The following PDE4B variants were observed in gnomAD, a reference collection of about 807,000 sequenced individuals.
PDE4B encodes the protein 3',5'-cyclic-AMP phosphodiesterase 4B.
Under a neutral mutation model 82.2 loss-of-function variants are expected in PDE4B, and 20 were observed. The ratio of observed to expected loss-of-function variants is 0.24; its 90% CI spans 0.17 to 0.35. The LOEUF (loss-of-function observed/expected upper bound fraction) is 0.35. PDE4B is among the 10% of genes least tolerant of loss of function. PDE4B has a pLI of 1.00. For synonymous variants in PDE4B, 320 were observed against 318.9 expected (o/e 1.00, Z -0.04); for missense variants, 655 against 907.2 (o/e 0.72, Z 3.57).
chr1:66,083,121 T>C (rs1202140272), intron 3 of PDE4B, among the ~76,000 whole-genome samples: 1 of 152,146 alleles, frequency 6.6e-6, no homozygotes, highest in East Asian at 1.9e-4. Context: ...TTCTAGTTAG[T>C]GTCCATGCCT....
At chr1:65,829,815 T>C (rs1646061466) in intron 1 of PDE4B, among the ~76,000 whole-genome samples, 1 of 152,182 alleles carries the variant, frequency 6.6e-6, no homozygotes, top group Non-Finnish European at 1.5e-5. Context: ...CCATGTTGTA[T>C]TAGGTTATAG....
chr1:65,958,751 C>A (rs1166616108), intron 3 of PDE4B, among the ~76,000 whole-genome samples: 1 of 145,410 alleles, frequency 6.9e-6, no homozygotes, highest in Non-Finnish European at 1.5e-5. Context: ...CACACACACG[C>A]GCGCGCGCGC....
chr1:66,356,593 T>C (rs1277301608), intron 9 of PDE4B, among the ~76,000 whole-genome samples: 5 of 152,268 alleles, frequency 3.3e-5, no homozygotes, highest in Non-Finnish European at 7.3e-5. Context: ...AATAGCCATA[T>C]GGCATTAAAT....
At chr1:65,819,056 T>A (rs1250254171) in intron 1 of PDE4B, among the ~76,000 whole-genome samples, 1 of 152,158 alleles carries the variant, frequency 6.6e-6, no homozygotes, top group Non-Finnish European at 1.5e-5. Flanking sequence ...ACAAAACAGC[T>A]GCTACCTTGA....
intron 7 of PDE4B, among the ~76,000 whole-genome samples, chr1:66,319,473 A>G (rs1659250902): frequency 6.6e-6 from 1 of 152,224 alleles, no homozygotes; most frequent in Non-Finnish European, 1.5e-5. Context: ...TCTGATGTTA[A>G]TAATTTACCA....
intron 3 of PDE4B, among the ~76,000 whole-genome samples, chr1:66,020,710 T>C (rs1243138859): frequency 6.6e-6 from 1 of 152,234 alleles, no homozygotes; most frequent in East Asian, 1.9e-4. Context: ...TAATCCAGTC[T>C]ATCATTGATG....
At chr1:65,985,389 T>C (rs1032939954) in intron 3 of PDE4B, among the ~76,000 whole-genome samples, 1 of 152,158 alleles carries the variant, frequency 6.6e-6, no homozygotes, top group African/African-American at 2.4e-5. Flanking sequence ...ATTATTTACA[T>C]TTAAAATTTT....
At chr1:66,285,069 A>C (rs1228084637) in intron 7 of PDE4B, among the ~76,000 whole-genome samples, 1 of 152,198 alleles carries the variant, frequency 6.6e-6, no homozygotes, top group African/African-American at 2.4e-5. Context: ...ATAGCAAGCA[A>C]GATGAAATTA....
At chr1:66,255,948 T>A (rs977477177) in intron 4 of PDE4B, among the ~76,000 whole-genome samples, 3 of 152,218 alleles carry the variant, frequency 2.0e-5, no homozygotes, top group Non-Finnish European at 4.4e-5. Flanking sequence ...GCCGATTGCT[T>A]GAGCCCAGGG....
chr1:66,132,412 T>A (rs1415479), intron 3 of PDE4B, among the ~76,000 whole-genome samples: 3 of 152,218 alleles, frequency 2.0e-5, no homozygotes, highest in East Asian at 3.8e-4. Flanking sequence ...TGCAGGGCTA[T>A]TTTTAGGATT....
At chr1:66,261,115 C>T (rs1490384153) in intron 6 of PDE4B, among the ~76,000 whole-genome samples, 1 of 152,182 alleles carries the variant, frequency 6.6e-6, no homozygotes, top group Non-Finnish European at 1.5e-5. Flanking sequence ...CTAGCTCAGA[C>T]TCAGTCCTGA....
intron 1 of PDE4B, among the ~76,000 whole-genome samples, chr1:65,879,098 C>G (rs1159243924): frequency 1.3e-5 from 2 of 152,096 alleles, no homozygotes; most frequent in East Asian, 1.9e-4. Flanking sequence ...TTTCTTCCCT[C>G]CTTTTACCCT....
Position 66,266,101 on chromosome 1 carries a change from T to G in PDE4B, c.634+14T>G. ...TCAACCCACAAGGTAGGCCATGTCATAAGGTCTATCTAGATGTTTCAAGAT... is the reference window on the plus strand; with the variant it reads ...TCAACCCACAAGGTAGGCCATGTCAGAAGGTCTATCTAGATGTTTCAAGAT... On this transcript the variant is annotated intron_variant, in intron 7 of 16. Coordinates refer to ENST00000341517, the MANE Select transcript of PDE4B (RefSeq NM_002600.4). The G allele has an allele frequency of 1.9e-6, 3 of 1,595,022 alleles. No homozygotes were observed. Among genetic ancestry groups the G allele is most frequent in the South Asian group, 2.2e-5 (2 of 90,708 alleles).
At chr1:66,167,217 G>T (rs1646752106) in intron 3 of PDE4B, among the ~76,000 whole-genome samples, 1 of 151,972 alleles carries the variant, frequency 6.6e-6, no homozygotes, top group Non-Finnish European at 1.5e-5. Flanking sequence ...CCAGAAAAAT[G>T]ATCACATAAA....
chr1:66,199,962 G>GT, intron 3 of PDE4B, among the ~76,000 whole-genome samples: 1 of 152,048 alleles, frequency 6.6e-6, no homozygotes, highest in African/African-American at 2.4e-5. Context: ...TTTCTTCTAG[G>GT]GTTTTTATGG....
chr1:66,287,826 A>G (rs1656789752), intron 7 of PDE4B, among the ~76,000 whole-genome samples: 1 of 152,040 alleles, frequency 6.6e-6, no homozygotes, highest in Non-Finnish European at 1.5e-5. Flanking sequence ...TTATAAAAGT[A>G]GCTGAGCATG....
chr1:65,918,696 G>A lies in PDE4B; in HGVS notation c.142G>A (p.Gly48Arg). The A allele has an allele frequency of 6.2e-7, 1 of 1,613,744 alleles. No homozygotes were observed. Among genetic ancestry groups the A allele is most frequent in the Non-Finnish European group, 8.5e-7 (1 of 1,179,664 alleles). ...DLWRGRRCCS[G>R]NLQLPPLSQR... ...CTGGAGAGGGAGAAGGTGTTGCTCA[G>A]GAAACTTACAGTTACCACCACTGTC... is the stretch of plus-strand genomic sequence containing the variant. Residue 48 changes from glycine (G) to arginine (R), a missense_variant, in exon 3 of 17, where the codon GGA becomes AGA. Coordinates refer to ENST00000341517, the MANE Select transcript of PDE4B (RefSeq NM_002600.4).
At chr1:66,027,580 T>A (rs2100786894) in intron 3 of PDE4B, among the ~76,000 whole-genome samples, 1 of 152,192 alleles carries the variant, frequency 6.6e-6, no homozygotes, top group Non-Finnish European at 1.5e-5. Flanking sequence ...CAGTCCAAAG[T>A]CTCACCTGAG....
chr1:65,890,652 G>A (rs576093074), intron 1 of PDE4B, among the ~76,000 whole-genome samples: 38 of 152,100 alleles, frequency 2.5e-4, no homozygotes, highest in African/African-American at 8.7e-4. Context: ...AGAGTCCCAC[G>A]AGAGTGGTGG....
Sources: allele counts gnomAD v4.1 joint callset (sites outside exome capture counted in the v4.1 genomes callset), GRCh38; gene constraint gnomAD v4.1.1; transcripts MANE v1.5; gene names NCBI Gene and HGNC (gene_info 2026-07-23, HGNC 2026-07-21).